ZNF512: variants seen among roughly 807,000 people sequenced by gnomAD.
ZNF512 encodes the protein zinc finger protein 512.
A neutral mutation model predicts 77.5 loss-of-function variants in ZNF512; 25 were observed. That is an observed-to-expected ratio of 0.32 (90% CI 0.23 to 0.45). The LOEUF (loss-of-function observed/expected upper bound fraction) is 0.45. ZNF512 is among the 20% of genes least tolerant of loss of function. The pLI, the probability that ZNF512 is intolerant of heterozygous loss-of-function variation, is 1.00. For synonymous variants in ZNF512, 246 were observed against 239.9 expected (o/e 1.03, Z -0.24); for missense variants, 483 against 692.6 (o/e 0.70, Z 3.40).
intron 13 of ZNF512, among the ~76,000 whole-genome samples, chr2:27,618,319 A>G (rs769313888): frequency 1.3e-5 from 2 of 152,234 alleles, no homozygotes; most frequent in Non-Finnish European, 2.9e-5. Flanking sequence ...ATCTCTATAC[A>G]TTCATGCCTT....
At chr2:27,585,975 A>G (rs1299498041) in intron 2 of ZNF512, among the ~76,000 whole-genome samples, 1 of 152,210 alleles carries the variant, frequency 6.6e-6, no homozygotes, top group African/African-American at 2.4e-5. Context: ...GAGTGCTTTA[A>G]AAATAAAACA....
intron 2 of ZNF512, among the ~76,000 whole-genome samples, chr2:27,594,949 C>T (rs890338687): frequency 5.3e-5 from 8 of 152,154 alleles, no homozygotes; most frequent in South Asian, 2.1e-4. Flanking sequence ...GTCAACACGG[C>T]GAAACCCCGT....
At chr2:27,602,613 C>G in intron 8 of ZNF512, 52 bp downstream of exon 8, 1 of 1,494,700 alleles carries the variant, frequency 6.7e-7, no homozygotes, top group South Asian at 1.2e-5. Flanking sequence ...AGGTCAATGT[C>G]TTTCGTTCTT....
chr2:27,592,833 G>A (rs1671655481), intron 2 of ZNF512, among the ~76,000 whole-genome samples: 1 of 151,412 alleles, frequency 6.6e-6, no homozygotes, highest in African/African-American at 2.4e-5. Flanking sequence ...TTATAGGCAT[G>A]TGCCACCATG....
intron 9 of ZNF512, among the ~76,000 whole-genome samples, chr2:27,604,875 C>A (rs1258116682): frequency 6.6e-6 from 1 of 152,216 alleles, no homozygotes; most frequent in Non-Finnish European, 1.5e-5. Context: ...CAGCCTCTGG[C>A]AACCACTGAT....
At chr2:27,602,617 C>G (rs897508721) in intron 8 of ZNF512, 56 bp downstream of exon 8, 1 of 1,476,894 alleles carries the variant, frequency 6.8e-7, no homozygotes, top group African/African-American at 1.4e-5. Context: ...CAATGTCTTT[C>G]GTTCTTCTTT....
intron 9 of ZNF512, among the ~76,000 whole-genome samples, chr2:27,603,588 A>ATTTTTTTTTTTTTTT (rs1438667151): frequency 3.3e-5 from 1 of 30,200 alleles, no homozygotes; most frequent in Non-Finnish European, 5.4e-5. Context: ...GTGTGTGTGT[A>ATTTTTTTTTTTTTTT]TATTTTTTTT....
chr2:27,592,334 T>C (rs1377447741), intron 2 of ZNF512, among the ~76,000 whole-genome samples: 1 of 151,246 alleles, frequency 6.6e-6, no homozygotes, highest in Non-Finnish European at 1.5e-5. Context: ...TTTTTTGAGA[T>C]GGAGTCTCGC....
At chr2:27,603,348 T>G in intron 9 of ZNF512, 41 bp downstream of exon 9, 2 of 1,604,860 alleles carry the variant, frequency 1.2e-6, no homozygotes, top group Non-Finnish European at 1.7e-6. Context: ...TGGGGATGTA[T>G]TTCGTGGTGA....
In ZNF512 at chr2:27,621,508, G is replaced by C. The variant is rs781632650; in HGVS notation, c.*47G>C. ...CTAGGAAAGCAGATGTGATGCTGTT[G>C]TCACGGGGACCTGTGCTGGGAGGAC... On this transcript the variant is annotated 3_prime_UTR_variant, in exon 14 of 14. Transcript: ENST00000355467. 1.2e-4 allele frequency: 184 copies of C among 1,543,988 alleles called. 2 individuals are homozygous for C. The highest frequency in any genetic ancestry group is 2.8e-5 in the Non-Finnish European group (32 of 1,150,424).
chr2:27,617,591 G>T lies in ZNF512; in HGVS notation c.1395+20G>T. ...GCTGAGGTGAGGTTTTTGTAATCCT[G>T]TGGGCCTGATATGTAAGCCACAAGA... is the stretch of plus-strand genomic sequence containing the variant. On this transcript the variant is annotated intron_variant, in intron 13 of 13. Coordinates refer to ENST00000355467, the MANE Select transcript of ZNF512 (RefSeq NM_032434.4). 2 of 905,114 alleles carry T rather than the reference G, an allele frequency of 2.2e-6. No individual in the cohort carries two copies. Among genetic ancestry groups the T allele is most frequent in the South Asian group, 2.6e-5 (2 of 77,074 alleles). 56.1% of individuals were successfully genotyped at this position (905,114 alleles called of 1,614,324 possible).
chr2:27,610,040 CA>C (rs1438235364), intron 10 of ZNF512, among the ~76,000 whole-genome samples: 7 of 151,244 alleles, frequency 4.6e-5, no homozygotes, highest in South Asian at 2.1e-4. Flanking sequence ...GACTTCATCT[CA>C]AAAAAATAAT....
chr2:27,609,320 G>A (rs1432599524), intron 10 of ZNF512, among the ~76,000 whole-genome samples: 3 of 152,126 alleles, frequency 2.0e-5, no homozygotes, highest in Non-Finnish European at 4.4e-5. Flanking sequence ...CCTGCTACAG[G>A]CTAAAGTACA....
intron 10 of ZNF512, among the ~76,000 whole-genome samples, chr2:27,612,242 C>T (rs1672697472): frequency 6.6e-6 from 1 of 152,056 alleles, no homozygotes; most frequent in Admixed American, 6.6e-5. Flanking sequence ...TTTGACATCC[C>T]CTATCCTTTT....
intron 10 of ZNF512, among the ~76,000 whole-genome samples, chr2:27,613,636 G>C (rs1444362597): frequency 6.6e-6 from 1 of 152,112 alleles, no homozygotes; most frequent in Non-Finnish European, 1.5e-5. Context: ...TATATGAAAA[G>C]TGGTCTTCTG....
chr2:27,616,958 A>G (rs1672907699), intron 12 of ZNF512: 1 of 157,712 alleles, frequency 6.3e-6, no homozygotes, highest in African/African-American at 2.4e-5. Context: ...AGGCATCTAA[A>G]CCAGATCTGT....
rs111321718 is a variant in ZNF512 at position 27,598,829 on chromosome 2, TTTC to T, written c.277+584_277+586del. ...CTCTTTGTAGTATTTGAATTCCCCTTTTCTTCTTCTTTTTTTTTTGAGACGGAG... is the reference window on the plus strand; with the variant it reads ...CTCTTTGTAGTATTTGAATTCCCCTTTTCTTCTTTTTTTTTTGAGACGGAG... On this transcript the variant is annotated intron_variant, in intron 3 of 13. Transcript: ENST00000355467. Among the ~76,000 whole-genome samples the T allele has an allele frequency of 5.9e-5, 9 of 151,866 alleles. No homozygotes were observed. The East Asian group carries it at 1.2e-3, about 20-fold the overall frequency.
At chr2:27,606,154 T>A (rs1419542191) in intron 9 of ZNF512, among the ~76,000 whole-genome samples, 2 of 152,202 alleles carry the variant, frequency 1.3e-5, no homozygotes, top group Non-Finnish European at 2.9e-5. Flanking sequence ...CTTTGTTCAT[T>A]TTGAGGGGAA....
chr2:27,600,194 C>A (rs571063623), intron 5 of ZNF512, 141 bp downstream of exon 5: 10 of 917,516 alleles, frequency 1.1e-5, no homozygotes, highest in East Asian at 7.9e-5. Context: ...GTCAGACAGA[C>A]CTTTGCTCAA....
Sources: allele counts gnomAD v4.1 joint callset (sites outside exome capture counted in the v4.1 genomes callset), GRCh38; gene constraint gnomAD v4.1.1; transcripts MANE v1.5; gene names NCBI Gene and HGNC (gene_info 2026-07-23, HGNC 2026-07-21).